Variants in DPY19L3 observed in about 807,000 individuals in gnomAD.
The protein encoded by DPY19L3 is dpy-19 like C-mannosyltransferase 3.
In DPY19L3, 51 loss-of-function variants were observed where a neutral mutation model predicts 92.3. That is an observed-to-expected ratio of 0.55 (90% CI 0.44 to 0.70). DPY19L3 has a LOEUF of 0.70. DPY19L3 is among the 30% of genes least tolerant of loss of function. The pLI, the probability that DPY19L3 is intolerant of heterozygous loss-of-function variation, is 0.00. For synonymous variants in DPY19L3, 309 were observed against 315.2 expected (o/e 0.98, Z 0.21); for missense variants, 706 against 855.9 (o/e 0.82, Z 2.18).
rs543307807 is a variant in DPY19L3 at position 32,476,504 on chromosome 19, G to A, written c.1698-1018G>A. Among the ~76,000 whole-genome samples, 6 of 131,134 alleles carry A rather than the reference G, an allele frequency of 4.6e-5. No homozygotes were observed. The East Asian group carries it at 6.6e-4, about 14-fold the overall frequency. The allele number at this position is 131,134 out of a possible 152,430, so 86.0% of individuals were successfully genotyped here. ...CTCCTGAGAAATTAACTCCTTGACCGCTTACAAGTGACTCTCAGGTTTCCA... is the reference window on the plus strand; with the variant it reads ...CTCCTGAGAAATTAACTCCTTGACCACTTACAAGTGACTCTCAGGTTTCCA... On this transcript the variant is annotated intron_variant, in intron 16 of 18. Coordinates refer to ENST00000392250, the MANE Select transcript of DPY19L3 (RefSeq NM_001172774.2).
intron 3 of DPY19L3, chr19:32,412,730 G>A (rs888272191): frequency 6.6e-6 from 1 of 152,130 alleles, no homozygotes; most frequent in Non-Finnish European, 1.5e-5. Context: ...AGGAGTTCAA[G>A]ACCAGCCTGG....
chr19:32,408,048 G>A (rs188490726), intron 1 of DPY19L3, among the ~76,000 whole-genome samples, 169 bp from the exon 2 acceptor site: 4 of 152,092 alleles, frequency 2.6e-5, no homozygotes, highest in Admixed American at 2.0e-4. Flanking sequence ...TGGTGCCGCT[G>A]CACTCCAGCC....
intron 2 of DPY19L3, among the ~76,000 whole-genome samples, chr19:32,410,496 C>T (rs763362231): frequency 1.1e-4 from 17 of 152,086 alleles, no homozygotes; most frequent in African/African-American, 2.4e-4. Context: ...TTTAGGTAAT[C>T]GGCCAGGTGC....
At chr19:32,426,548 A>C (rs1380150112) in intron 3 of DPY19L3, among the ~76,000 whole-genome samples, 2 of 152,204 alleles carry the variant, frequency 1.3e-5, no homozygotes, top group East Asian at 3.8e-4. Flanking sequence ...CTTAGAGGCT[A>C]TTGTAAAGTT....
chr19:32,442,744 C>G (rs990388953), intron 8 of DPY19L3, among the ~76,000 whole-genome samples: 1 of 152,292 alleles, frequency 6.6e-6, no homozygotes, highest in South Asian at 2.1e-4. Context: ...AGAAAACTTT[C>G]AAACATTAAC....
intron 3 of DPY19L3, among the ~76,000 whole-genome samples, chr19:32,421,497 A>C (rs1968565539): frequency 6.6e-6 from 1 of 152,072 alleles, no homozygotes. Flanking sequence ...AAAATTAGCC[A>C]GGTGTGGTGG....
At chr19:32,461,629 A>G (rs981169811) in intron 12 of DPY19L3, among the ~76,000 whole-genome samples, 2 of 152,204 alleles carry the variant, frequency 1.3e-5, no homozygotes, top group African/African-American at 4.8e-5. Flanking sequence ...ACTGCCTTAG[A>G]GTATCCTTTT....
rs575913712 is a variant in DPY19L3, at chr19:32,447,328, TA to T, written c.856-5811del. 3.1e-3 allele frequency among the ~76,000 whole-genome samples: 476 copies of T among 152,062 alleles called. 1 individual carries two copies. Among genetic ancestry groups the T allele is most frequent in the African/African-American group, 0.011 (453 of 41,488 alleles). ...AAATCGGTCATCCAAGCTCTCACCTTAAAAAAGGGAGCAAAATAAATTCAAG... is the reference window on the plus strand; with the variant it reads ...AAATCGGTCATCCAAGCTCTCACCTTAAAAAGGGAGCAAAATAAATTCAAG... On this transcript the variant is annotated intron_variant, in intron 8 of 18. Transcript: ENST00000392250.
intron 4 of DPY19L3, among the ~76,000 whole-genome samples, chr19:32,435,773 T>G (rs1012996429): frequency 6.6e-6 from 1 of 152,240 alleles, no homozygotes; most frequent in Non-Finnish European, 1.5e-5. Context: ...TATCCATTCA[T>G]GCCTTGGATT....
Position 32,458,383 on chromosome 19 carries a change from A to G in DPY19L3, c.1196A>G (p.Glu399Gly). 6.2e-7 allele frequency: 1 copy of G among 1,613,256 alleles called. No individual in the cohort carries two copies. Among genetic ancestry groups the G allele is most frequent in the Non-Finnish European group, 8.5e-7 (1 of 1,179,856 alleles). ...GATGCAAATCTCTATCTGTGTGAAGAAGCTTTTGGCCTCCTGCCTTTTAAT... is the reference window on the plus strand; with the variant it reads ...GATGCAAATCTCTATCTGTGTGAAGGAGCTTTTGGCCTCCTGCCTTTTAAT... ...DFDANLYLCE[E>G]AFGLLPFNTF... Residue 399 changes from glutamate to glycine, a missense_variant, in exon 12 of 19, where the codon GAA becomes GGA. Coordinates refer to ENST00000392250, the MANE Select transcript of DPY19L3 (RefSeq NM_001172774.2).
In DPY19L3 at chr19:32,453,128, A is replaced by C; in HGVS notation, c.856-17A>C. ...TTGGTAAAATGTCTGTACTCATCTA[A>C]TCTTTGGTTCTTGCAGGCGACATGG... On this transcript the variant is annotated splice_polypyrimidine_tract_variant and intron_variant, in intron 8 of 18. Coordinates refer to ENST00000392250, the MANE Select transcript of DPY19L3 (RefSeq NM_001172774.2). 3 of 1,613,634 alleles carry C rather than the reference A, an allele frequency of 1.9e-6. No homozygotes were observed. Among genetic ancestry groups the C allele is most frequent in the Non-Finnish European group, 2.5e-6 (3 of 1,179,884 alleles).
rs373133403 is a variant in DPY19L3, at chr19:32,477,489, A to G, written c.1698-33A>G. 14 of 1,613,406 alleles carry G rather than the reference A, an allele frequency of 8.7e-6. No homozygotes were observed. The African/African-American group carries it at 1.7e-4, about 20-fold the overall frequency. On this transcript the variant is annotated intron_variant, in intron 16 of 18. Coordinates refer to ENST00000392250, the MANE Select transcript of DPY19L3 (RefSeq NM_001172774.2). ...TTGTTGTCTTTAAGGATCTCTTAAC[A>G]GTGGGGTTAATTCAGACTCTAAAAT... is the stretch of plus-strand genomic sequence containing the variant.
chr19:32,458,083 T>G lies in DPY19L3; in HGVS notation c.1090-17T>G. 1 of 1,601,250 alleles carries G rather than the reference T, an allele frequency of 6.2e-7. No individual in the cohort carries two copies. The highest frequency in any genetic ancestry group is 8.5e-7 in the Non-Finnish European group (1 of 1,175,058). ...TAAAGGACTAATAGCAATTTTTGTT[T>G]TCTCTTTCCCCGATAGAAAATTCTT... is the stretch of plus-strand genomic sequence containing the variant. On this transcript the variant is annotated splice_polypyrimidine_tract_variant and intron_variant, in intron 10 of 18. Transcript: ENST00000392250.
intron 15 of DPY19L3, among the ~76,000 whole-genome samples, chr19:32,466,225 A>C (rs180708352): frequency 1.4e-4 from 21 of 152,350 alleles, no homozygotes; most frequent in African/African-American, 4.8e-4. Context: ...CCTAGGGAGC[A>C]TTGATTCTTG....
At chr19:32,448,340 G>A (rs1969585540) in intron 8 of DPY19L3, among the ~76,000 whole-genome samples, 1 of 152,136 alleles carries the variant, frequency 6.6e-6, no homozygotes, top group African/African-American at 2.4e-5. Context: ...GACAGCTGTA[G>A]TTATTCTACA....
At chr19:32,443,105 A>G (rs1046148810) in intron 8 of DPY19L3, among the ~76,000 whole-genome samples, 3 of 151,984 alleles carry the variant, frequency 2.0e-5, no homozygotes, top group African/African-American at 7.3e-5. Context: ...GCCCTACCCC[A>G]TGCTGTCGGT....
At chr19:32,445,290 A>T (rs1022246719) in intron 8 of DPY19L3, among the ~76,000 whole-genome samples, 9 of 149,502 alleles carry the variant, frequency 6.0e-5, no homozygotes, top group African/African-American at 9.9e-5. Context: ...AAATACAAAA[A>T]ATTAGCCAGG....
intron 3 of DPY19L3, among the ~76,000 whole-genome samples, chr19:32,423,144 T>G (rs1423076678): frequency 6.6e-6 from 1 of 152,168 alleles, no homozygotes; most frequent in Non-Finnish European, 1.5e-5. Context: ...TTTATTTAAC[T>G]ATAGGACTAA....
rs191937253 is a variant in DPY19L3 at position 32,420,739 on chromosome 19, C to T, written c.237+9367C>T. On this transcript the variant is annotated intron_variant, in intron 3 of 18. Transcript: ENST00000392250. ...TGCTGGGATTACAAGCATGAGCCAC[C>T]GCGGCCTGCCATGTGTTTAATAAAT... Among the ~76,000 whole-genome samples, 568 of 152,254 alleles carry T rather than the reference C, an allele frequency of 3.7e-3. 5 individuals are homozygous for T. The highest frequency in any genetic ancestry group is 6.1e-3 in the Non-Finnish European group (415 of 68,030).
Sources: gnomAD v4.1 joint callset for allele counts (sites outside exome capture counted in the v4.1 genomes callset) on GRCh38, gnomAD v4.1.1 for gene constraint, MANE v1.5 for transcripts, NCBI Gene and HGNC (gene_info 2026-07-23, HGNC 2026-07-21) for gene names.